The following CDX1 variants were observed in gnomAD, a reference collection of about 807,000 sequenced individuals.
The protein encoded by CDX1 is homeobox protein CDX-1.
CDX1 carries 9 observed loss-of-function variants against 16.9 expected under a neutral mutation model. The observed-to-expected ratio is 0.53, with a 90% CI of 0.32 to 0.93. CDX1 has a LOEUF of 0.93. CDX1 is among the 40% of genes least tolerant of loss of function. The probability of loss-of-function intolerance (pLI) is 0.04; values close to 1 mark genes in which losing one functional copy is unlikely to be tolerated. For missense variants in CDX1, 393 were observed against 386.1 expected (o/e 1.02, Z -0.15); for synonymous variants, 179 against 179.0 (o/e 1.00, Z 0.00).
intron 1 of CDX1, among the ~76,000 whole-genome samples, chr5:150,169,714 C>T (rs1761479535): frequency 6.6e-6 from 1 of 152,228 alleles, no homozygotes; most frequent in Admixed American, 6.5e-5. Flanking sequence ...AGGATCAGTG[C>T]ATGCCACTGC....
At chr5:150,181,402 G>A (rs1752412849) in intron 1 of CDX1, among the ~76,000 whole-genome samples, 1 of 152,040 alleles carries the variant, frequency 6.6e-6, no homozygotes, top group Non-Finnish European at 1.5e-5. Context: ...CAGCCTCCTG[G>A]GTAGCTGGGA....
chr5:150,176,123 G>GT (rs1761565733), intron 1 of CDX1, among the ~76,000 whole-genome samples: 1 of 152,174 alleles, frequency 6.6e-6, no homozygotes, highest in African/African-American at 2.4e-5. Flanking sequence ...TCAGTAGAGT[G>GT]TGACGCTGCT....
chr5:150,179,028 CT>C (rs1475056825), intron 1 of CDX1, among the ~76,000 whole-genome samples: 1 of 152,084 alleles, frequency 6.6e-6, no homozygotes, highest in African/African-American at 2.4e-5. Context: ...ACAGATGGAG[CT>C]TTGGGCAGCT....
intron 1 of CDX1, among the ~76,000 whole-genome samples, chr5:150,178,629 T>C (rs1761600805): frequency 6.6e-6 from 1 of 152,162 alleles, no homozygotes; most frequent in African/African-American, 2.4e-5. Context: ...CCTGGGGCTG[T>C]CATTAAAAAT....
At chr5:150,174,960 A>G (rs1480680515) in intron 1 of CDX1, among the ~76,000 whole-genome samples, 2 of 152,080 alleles carry the variant, frequency 1.3e-5, no homozygotes, top group African/African-American at 4.8e-5. Flanking sequence ...TATTTTTAGT[A>G]GAGACAGAGT....
intron 1 of CDX1, among the ~76,000 whole-genome samples, chr5:150,178,897 G>C (rs1384361863): frequency 6.6e-6 from 1 of 151,996 alleles, no homozygotes; most frequent in African/African-American, 2.4e-5. Flanking sequence ...GGGATATATG[G>C]GGTTTTGAAA....
chr5:150,170,012 C>T (rs962378562), intron 1 of CDX1, among the ~76,000 whole-genome samples: 2 of 152,238 alleles, frequency 1.3e-5, no homozygotes, highest in Non-Finnish European at 2.9e-5. Context: ...CTGAGGTCTA[C>T]AAGACTACAG....
In CDX1 at chr5:150,172,579, C is replaced by T. The variant is rs902947911; in HGVS notation, c.445+5258C>T. ...ATAAAGACACACTCACGAAGGGGAG[C>T]CTGAGACCCCCCCTTCCCCATGGGC... On this transcript the variant is annotated intron_variant, in intron 1 of 2. Coordinates refer to ENST00000231656, the MANE Select transcript of CDX1 (RefSeq NM_001804.3). Among the ~76,000 whole-genome samples, 24 of 152,082 alleles carry T rather than the reference C, an allele frequency of 1.6e-4. 1 individual carries two copies. Among genetic ancestry groups the T allele is most frequent in the African/African-American group, 5.8e-4 (24 of 41,412 alleles).
In CDX1 at chr5:150,182,707, GC is replaced by G. The variant is rs1580842341; in HGVS notation, c.446-59del. The G allele has an allele frequency of 9.4e-6, 14 of 1,484,016 alleles. No individual in the cohort carries two copies. The East Asian group carries it at 3.5e-4, about 37-fold the overall frequency. 91.9% of individuals were successfully genotyped at this position (1,484,016 alleles called of 1,614,324 possible). On this transcript the variant is annotated intron_variant, in intron 1 of 2. Coordinates refer to ENST00000231656, the MANE Select transcript of CDX1 (RefSeq NM_001804.3). ...TCTTCCTCCTGGGGGTCCTGCCTGGGCCTTTTTTGTAGCCTCCTCCTCTCAA... is the reference window on the plus strand; with the variant it reads ...TCTTCCTCCTGGGGGTCCTGCCTGGGCTTTTTTGTAGCCTCCTCCTCTCAA...
chr5:150,173,441 T>A (rs1192093865), intron 1 of CDX1, among the ~76,000 whole-genome samples: 2 of 152,044 alleles, frequency 1.3e-5, no homozygotes, highest in Admixed American at 1.3e-4. Context: ...GAAGCCTCCT[T>A]CTCAACCTCA....
chr5:150,182,716 GT>G, intron 1 of CDX1, 51 bp from the exon 2 acceptor site: 1 of 1,495,028 alleles, frequency 6.7e-7, no homozygotes, highest in Non-Finnish European at 8.9e-7. Context: ...GGCCTTTTTT[GT>G]AGCCTCCTCC....
chr5:150,169,526 G>C (rs1173199811), intron 1 of CDX1, among the ~76,000 whole-genome samples: 1 of 152,138 alleles, frequency 6.6e-6, no homozygotes, highest in Non-Finnish European at 1.5e-5. Flanking sequence ...CAGGGCATCT[G>C]ACTGTCTATT....
intron 2 of CDX1, 60 bp from the exon 3 acceptor site, chr5:150,183,414 G>T (rs1194196496): frequency 7.0e-7 from 1 of 1,430,796 alleles, no homozygotes; most frequent in African/African-American, 1.4e-5. Flanking sequence ...TCTCCTTCTT[G>T]CACTCTCTCT....
intron 1 of CDX1, among the ~76,000 whole-genome samples, chr5:150,173,013 G>A (rs1057026157): frequency 6.6e-6 from 1 of 152,166 alleles, no homozygotes; most frequent in African/African-American, 2.4e-5. Flanking sequence ...ATGTTAGCAT[G>A]CCAGACCCTC....
chr5:150,170,850 C>T (rs1761496021), intron 1 of CDX1, among the ~76,000 whole-genome samples: 1 of 152,212 alleles, frequency 6.6e-6, no homozygotes, highest in Non-Finnish European at 1.5e-5. Flanking sequence ...GAAATGACTA[C>T]AAGACGTTCT....
Position 150,183,014 on chromosome 5 carries a change from G to A in CDX1, c.591+101G>A, listed in dbSNP as rs1380351141. 8 of 1,363,910 alleles carry A rather than the reference G, an allele frequency of 5.9e-6. No homozygotes were observed. The Admixed American group carries it at 9.6e-5, about 16-fold the overall frequency. The allele number at this position is 1,363,910 out of a possible 1,614,324, so 84.5% of individuals were successfully genotyped here. A position where few individuals can be genotyped will look rare whatever the true frequency, so the allele number is the denominator to read the frequency against. On this transcript the variant is annotated intron_variant, in intron 2 of 2. Coordinates refer to ENST00000231656, the MANE Select transcript of CDX1 (RefSeq NM_001804.3). ...AGCTCAGTAGAAGGAAAACAGAGAG[G>A]TTGAGTCTCCAGGCCATTGTCACAC...
At chr5:150,173,107 T>A (rs1257767684) in intron 1 of CDX1, among the ~76,000 whole-genome samples, 1 of 152,174 alleles carries the variant, frequency 6.6e-6, no homozygotes, top group African/African-American at 2.4e-5. Context: ...CAAGCTAGGC[T>A]CCACACCCTC....
At chr5:150,174,466 T>C (rs1425442097) in intron 1 of CDX1, among the ~76,000 whole-genome samples, 1 of 152,186 alleles carries the variant, frequency 6.6e-6, no homozygotes, top group Non-Finnish European at 1.5e-5. Flanking sequence ...CTAGTAGGCG[T>C]GTGCTGCAGT....
chr5:150,171,097 C>G (rs1013135593), intron 1 of CDX1, among the ~76,000 whole-genome samples: 16 of 152,230 alleles, frequency 1.1e-4, no homozygotes, highest in African/African-American at 3.9e-4. Context: ...TGTCAACTTT[C>G]AGATGGGGAA....
Sources: allele counts gnomAD v4.1 joint callset (sites outside exome capture counted in the v4.1 genomes callset), GRCh38; gene constraint gnomAD v4.1.1; transcripts MANE v1.5; gene names NCBI Gene and HGNC (gene_info 2026-07-23, HGNC 2026-07-21).